Variants in QSER1 observed in about 807,000 individuals in gnomAD.
QSER1 encodes the protein glutamine and serine-rich protein 1.
QSER1 carries 49 observed loss-of-function variants against 158.5 expected under a neutral mutation model. That is an observed-to-expected ratio of 0.31 (90% CI 0.25 to 0.39). QSER1 has a LOEUF of 0.39. Among genes scored for constraint, QSER1 ranks in the 10% least tolerant of loss-of-function variants. The pLI is 1.00. For missense variants in QSER1, 1,754 were observed against 2,010.3 expected (o/e 0.87, Z 2.44); for synonymous variants, 650 against 715.5 (o/e 0.91, Z 1.46).
intron 1 of QSER1, among the ~76,000 whole-genome samples, chr11:32,896,373 C>T (rs1851555554): frequency 6.6e-6 from 1 of 151,830 alleles, no homozygotes; most frequent in Non-Finnish European, 1.5e-5. Flanking sequence ...TTATTTTTTG[C>T]GATGGAGTTT....
At chr11:32,929,008 G>A (rs1275064357) in intron 3 of QSER1, among the ~76,000 whole-genome samples, 1 of 152,132 alleles carries the variant, frequency 6.6e-6, no homozygotes, top group African/African-American at 2.4e-5. Flanking sequence ...AGTTGAAGAA[G>A]TTTTAAAATA....
At chr11:32,951,931 A>G (rs527621706) in intron 4 of QSER1, among the ~76,000 whole-genome samples, 130 of 149,054 alleles carry the variant, frequency 8.7e-4, no homozygotes, top group African/African-American at 3.2e-3. Flanking sequence ...TCCGCCTCCC[A>G]GATTCAAGCA....
chr11:32,905,760 A>G (rs1431650890), intron 1 of QSER1, among the ~76,000 whole-genome samples: 1 of 152,152 alleles, frequency 6.6e-6, no homozygotes, highest in African/African-American at 2.4e-5. Flanking sequence ...AAGCTAATCT[A>G]GTATACCAGC....
chr11:32,969,262 G>T, intron 10 of QSER1, 119 bp downstream of exon 10: 1 of 665,402 alleles, frequency 1.5e-6, no homozygotes, highest in Non-Finnish European at 2.5e-6. Context: ...TGAAAATTTG[G>T]CTTTTATTCA....
chr11:32,956,893 C>T (rs1852523431), intron 7 of QSER1, among the ~76,000 whole-genome samples: 1 of 152,172 alleles, frequency 6.6e-6, no homozygotes, highest in Non-Finnish European at 1.5e-5. Flanking sequence ...CCTGCCTCAA[C>T]TTCCCAAGTA....
chr11:32,911,418 TAAAA>T (rs1356116303), intron 1 of QSER1, among the ~76,000 whole-genome samples: 1 of 146,092 alleles, frequency 6.8e-6, no homozygotes, highest in Non-Finnish European at 1.5e-5. Flanking sequence ...TTAGAAGAAA[TAAAA>T]AAATAAAAAA....
intron 5 of QSER1, among the ~76,000 whole-genome samples, chr11:32,954,922 T>G (rs1421001443): frequency 1.3e-5 from 2 of 152,266 alleles, no homozygotes; most frequent in Admixed American, 1.3e-4. Flanking sequence ...GTATTCTCAC[T>G]ATTCACAGTT....
rs773067247 is a variant in QSER1, at chr11:32,973,512, C to G, written c.5321C>G (p.Thr1774Ser). Residue 1774 changes from threonine to serine, a missense_variant, in exon 11 of 13, where the codon ACT (threonine) becomes AGT (serine). Transcript: ENST00000650167. Reference protein sequence around the residue: ...KMNGKAYNKKTLRTSKTTTKS... With the variant: ...KMNGKAYNKKSLRTSKTTTKS... ...AATGGCAAAGCCTATAATAAGAAAACTCTAAGGACTTCTAAAACAACCACC... is the reference window on the plus strand; with the variant it reads ...AATGGCAAAGCCTATAATAAGAAAAGTCTAAGGACTTCTAAAACAACCACC... 1.2e-6 allele frequency: 2 copies of G among 1,612,262 alleles called. No individual in the cohort carries two copies. The highest frequency in any genetic ancestry group is 1.7e-6 in the Non-Finnish European group (2 of 1,179,460).
At chr11:32,975,536 G>A (rs1207542456) in intron 12 of QSER1, 193 bp downstream of exon 12, 9 of 1,440,896 alleles carry the variant, frequency 6.2e-6, no homozygotes, top group Admixed American at 4.3e-5. Flanking sequence ...AGATTTACCC[G>A]AGCCTCACCA....
chr11:32,930,293 G>A (rs1852028997), intron 3 of QSER1, among the ~76,000 whole-genome samples: 1 of 152,124 alleles, frequency 6.6e-6, no homozygotes, highest in South Asian at 2.1e-4. Flanking sequence ...GAACAAAGGA[G>A]TTGAACTATG....
intron 1 of QSER1, among the ~76,000 whole-genome samples, chr11:32,919,226 C>T (rs1011621538): frequency 2.6e-5 from 4 of 152,188 alleles, no homozygotes; most frequent in Middle Eastern, 6.8e-3. Flanking sequence ...TGATCACCTA[C>T]GAACTCCTGG....
Position 32,953,992 on chromosome 11 carries a change from T to G in QSER1, c.4313T>G (p.Ile1438Arg). The G allele has an allele frequency of 6.2e-7, 1 of 1,614,146 alleles. No individual in the cohort carries two copies. Residue 1438 changes from isoleucine (I) to arginine (R), a missense_variant, in exon 5 of 13, where the codon ATA becomes AGA. By Grantham distance (97) the Ile-to-Arg change is moderately conservative. Around this residue, in one of 2 missense-constraint regions of QSER1, gnomAD observed 1,707 missense variants for 1,919.6 expected, o/e 0.89. Transcript: ENST00000650167. ...TSYAVNILEN[I>R]SSSESSKPIE... The stretch of plus-strand genomic sequence containing the variant: ...TATGCAGTAAATATTCTGGAAAATA[T>G]AAGCTCTTCAGAATCCTCAAAGCCC...
chr11:32,955,902 G>C, intron 6 of QSER1, 86 bp from the exon 7 acceptor site: 1 of 1,252,740 alleles, frequency 8.0e-7, no homozygotes, highest in African/African-American at 1.5e-5. Context: ...CTTGAAGGTT[G>C]GCTATGGGAT....
At position 32,931,905 on chromosome 11, in the gene QSER1, C is replaced by T; in HGVS notation, c.647C>T (p.Thr216Ile). The T allele has an allele frequency of 6.2e-7, 1 of 1,614,196 alleles. No homozygotes were observed. The highest frequency in any genetic ancestry group is 8.5e-7 in the Non-Finnish European group (1 of 1,180,020). The change falls in exon 4 of 13, where the codon ACT (threonine) becomes ATT (isoleucine). Residue 216 changes from threonine to isoleucine, a missense_variant. This residue lies in a region of QSER1 where 1,707 missense variants were observed against 1,919.6 expected (regional missense o/e 0.89). Transcript: ENST00000650167. ...GTGCTTCAGGATTCAACTTTTAACA[C>T]TACATCAAATGGAATTTTAAGTCAT... ...PLVLQDSTFN[T>I]TSNGILSHHD... is the part of the protein sequence containing the mutation.
At chr11:32,909,571 C>T (rs1391529123) in intron 1 of QSER1, among the ~76,000 whole-genome samples, 1 of 152,050 alleles carries the variant, frequency 6.6e-6, no homozygotes, top group African/African-American at 2.4e-5. Flanking sequence ...TCCCAAGTAG[C>T]TGGGACTACA....
chr11:32,928,801 A>G (rs1852008653), intron 3 of QSER1, among the ~76,000 whole-genome samples: 1 of 152,162 alleles, frequency 6.6e-6, no homozygotes. Flanking sequence ...TAACATTCTG[A>G]TGTAAATTCC....
intron 1 of QSER1, among the ~76,000 whole-genome samples, chr11:32,911,439 A>C (rs1335731702): frequency 6.6e-6 from 1 of 152,144 alleles, no homozygotes; most frequent in Non-Finnish European, 1.5e-5. Context: ...AAAAGTACCA[A>C]GTTATGAATG....
At chr11:32,941,917 T>C (rs1468633848) in intron 4 of QSER1, among the ~76,000 whole-genome samples, 55 of 151,970 alleles carry the variant, frequency 3.6e-4, no homozygotes, top group Admixed American at 2.9e-3. Flanking sequence ...TTTTAATGAT[T>C]GCCATTCTAA....
Position 32,945,749 on chromosome 11 carries a change from C to T in QSER1, c.4178-8108C>T, listed in dbSNP as rs375058575. ...CTCTTCTCGAGGAGTATCTTTGTGGCGTTCTCTGTATTTCCTGAATCTGAA... is the reference window on the plus strand; with the variant it reads ...CTCTTCTCGAGGAGTATCTTTGTGGTGTTCTCTGTATTTCCTGAATCTGAA... On this transcript the variant is annotated intron_variant, in intron 4 of 12. Coordinates refer to ENST00000650167, the MANE Select transcript of QSER1 (RefSeq NM_001076786.3). Among the ~76,000 whole-genome samples the T allele has an allele frequency of 1.1e-4, 16 of 151,026 alleles. No individual in the cohort carries two copies. In the East Asian group the frequency reaches 1.2e-3, roughly 11 times the overall value.
Sources: gnomAD v4.1 joint callset for allele counts (sites outside exome capture counted in the v4.1 genomes callset) on GRCh38, gnomAD v4.1.1 for gene constraint, gnomAD v4.1.1 regional missense constraint, MANE v1.5 for transcripts, NCBI Gene and HGNC (gene_info 2026-07-23, HGNC 2026-07-21) for gene names.